KIF18A: variants seen among roughly 807,000 people sequenced by gnomAD.
KIF18A encodes kinesin family member 18A.
KIF18A carries 67 observed loss-of-function variants against 103.3 expected under a neutral mutation model. The ratio of observed to expected loss-of-function variants is 0.65; its 90% CI spans 0.53 to 0.79. The LOEUF (loss-of-function observed/expected upper bound fraction) is 0.79. KIF18A is among the 30% of genes least tolerant of loss of function. The pLI is 0.00. For missense variants in KIF18A, 1,032 were observed against 1,062.5 expected (o/e 0.97, Z 0.40); for synonymous variants, 367 against 355.5 (o/e 1.03, Z -0.36).
intron 13 of KIF18A, among the ~76,000 whole-genome samples, chr11:28,053,278 CTTT>C (rs796145765): frequency 4.6e-5 from 7 of 151,744 alleles, no homozygotes; most frequent in African/African-American, 1.7e-4. Context: ...CTGAGATCTA[CTTT>C]TTTTTGTTTT....
rs557290757 is a variant in KIF18A, at chr11:28,044,146, C to T, written c.1949-7482G>A. Among the ~76,000 whole-genome samples, 3 of 152,028 alleles carry T rather than the reference C, an allele frequency of 2.0e-5. No individual in the cohort carries two copies. In the South Asian group the frequency reaches 6.2e-4, roughly 32 times the overall value. On this transcript the variant is annotated intron_variant, in intron 13 of 16. Transcript: ENST00000263181. ...TTGCTAGGTAACTGCTCCTTTGTTA[C>T]CCTATTAAAAGACATGAAGTTTTAC...
At chr11:28,027,752 T>C (rs1012288746) in intron 15 of KIF18A, among the ~76,000 whole-genome samples, 7 of 152,024 alleles carry the variant, frequency 4.6e-5, no homozygotes, top group African/African-American at 1.7e-4. Flanking sequence ...GCTTCACTGC[T>C]GATTTTTACC....
chr11:28,077,870 T>C (rs924468644), intron 9 of KIF18A, among the ~76,000 whole-genome samples: 1 of 152,090 alleles, frequency 6.6e-6, no homozygotes, highest in South Asian at 2.1e-4. Flanking sequence ...ATATCAAAGA[T>C]GAGGAGTTTG....
intron 13 of KIF18A, among the ~76,000 whole-genome samples, chr11:28,058,690 A>G (rs1590684898): frequency 7.2e-6 from 1 of 138,878 alleles, no homozygotes; most frequent in South Asian, 2.2e-4. Context: ...AAAAAAAAAA[A>G]AAAAGAAAAG....
At chr11:28,046,739 G>GA (rs11431907) in intron 13 of KIF18A, among the ~76,000 whole-genome samples, 121,067 of 131,464 alleles carry the variant, frequency 0.92, 55,771 homozygotes, top group South Asian at 0.97. Context: ...GAAATTAAAT[G>GA]AAAAAAAAAA....
intron 15 of KIF18A, among the ~76,000 whole-genome samples, chr11:28,034,296 C>A (rs1379477423): frequency 6.6e-6 from 1 of 151,646 alleles, no homozygotes; most frequent in Non-Finnish European, 1.5e-5. Context: ...TGTCTCCTGG[C>A]ATACTTTGTA....
intron 11 of KIF18A, among the ~76,000 whole-genome samples, chr11:28,063,411 T>C (rs1055888379): frequency 2.6e-5 from 4 of 152,020 alleles, no homozygotes; most frequent in African/African-American, 9.7e-5. Flanking sequence ...TTCTTGAATC[T>C]TTCTTCTTTT....
intron 16 of KIF18A, 61 bp from the exon 17 acceptor site, chr11:28,021,343 C>T (rs924169177): frequency 6.4e-5 from 76 of 1,181,112 alleles, no homozygotes; most frequent in Admixed American, 8.8e-5. Flanking sequence ...AAGTTTTCAT[C>T]GTTCAACTTA....
At chr11:28,045,905 AAAG>A (rs1480305824) in intron 13 of KIF18A, among the ~76,000 whole-genome samples, 39 of 151,842 alleles carry the variant, frequency 2.6e-4, no homozygotes, top group African/African-American at 9.0e-4. Context: ...ACACTTCTCA[AAAG>A]AAGACATTTA....
chr11:28,057,143 T>A (rs868119354), intron 13 of KIF18A, among the ~76,000 whole-genome samples: 1 of 151,750 alleles, frequency 6.6e-6, no homozygotes, highest in Non-Finnish European at 1.5e-5. Flanking sequence ...AAACAAAAAT[T>A]TCCACTAGTG....
rs778188530 is a variant in KIF18A, at chr11:28,080,265, A to G, written c.1262+2591T>C. ...TTACTTGATCTACAAAGTGTGAAAT[A>G]TAAAGAGAAATCACTGACTTCTTGA... On this transcript the variant is annotated intron_variant, in intron 9 of 16. Transcript: ENST00000263181. Among the ~76,000 whole-genome samples, 5 of 152,226 alleles carry G rather than the reference A, an allele frequency of 3.3e-5. No homozygotes were observed. The South Asian group carries it at 8.3e-4, about 25-fold the overall frequency.
chr11:28,044,963 A>G (rs1486205633), intron 13 of KIF18A, among the ~76,000 whole-genome samples: 2 of 152,132 alleles, frequency 1.3e-5, no homozygotes, highest in Admixed American at 6.6e-5. Flanking sequence ...TACATTTGCT[A>G]AGTGGTTATA....
chr11:28,107,032 T>A (rs1851529488), intron 1 of KIF18A, among the ~76,000 whole-genome samples: 1 of 152,162 alleles, frequency 6.6e-6, no homozygotes, highest in Admixed American at 6.5e-5. Flanking sequence ...AGATAATCTT[T>A]TAAGTTTTTT....
intron 15 of KIF18A, among the ~76,000 whole-genome samples, chr11:28,027,777 G>A (rs1417573708): frequency 1.3e-5 from 2 of 151,920 alleles, no homozygotes; most frequent in African/African-American, 4.8e-5. Context: ...ATTTAAAAAA[G>A]AACCAATACC....
At chr11:28,106,815 A>C (rs2133574004) in intron 1 of KIF18A, among the ~76,000 whole-genome samples, 1 of 152,140 alleles carries the variant, frequency 6.6e-6, no homozygotes, top group East Asian at 1.9e-4. Flanking sequence ...TACCAAAGAT[A>C]CAAAAATTAG....
chr11:28,064,614 C>T (rs1850894354), intron 11 of KIF18A, among the ~76,000 whole-genome samples: 1 of 151,850 alleles, frequency 6.6e-6, no homozygotes, highest in African/African-American at 2.4e-5. Context: ...AAAAACAATC[C>T]CTCCTTTATA....
At chr11:28,060,460 G>C (rs944240567) in intron 12 of KIF18A, among the ~76,000 whole-genome samples, 13 of 152,036 alleles carry the variant, frequency 8.6e-5, no homozygotes, top group Non-Finnish European at 1.5e-4. Context: ...CCTTTTGGTG[G>C]GGGTGGCTGG....
intron 1 of KIF18A, 65 bp downstream of exon 1, chr11:28,107,999 C>T (rs1200237580): frequency 6.6e-6 from 1 of 152,210 alleles, no homozygotes; most frequent in Non-Finnish European, 1.5e-5. Flanking sequence ...AGACCTGAAG[C>T]GGCAGGACCC....
intron 10 of KIF18A, among the ~76,000 whole-genome samples, chr11:28,070,857 A>G (rs951112378): frequency 4.6e-5 from 7 of 152,202 alleles, no homozygotes. Flanking sequence ...CCTGGACAAC[A>G]TAGAGAGACC....
Sources: allele counts gnomAD v4.1 joint callset (sites outside exome capture counted in the v4.1 genomes callset), GRCh38; gene constraint gnomAD v4.1.1; transcripts MANE v1.5; gene names NCBI Gene and HGNC (gene_info 2026-07-23, HGNC 2026-07-21).